The following HPCAL1 variants were observed in gnomAD, a reference collection of about 807,000 sequenced individuals.
The protein encoded by HPCAL1 is hippocalcin-like protein 1.
Under a neutral mutation model 17.1 loss-of-function variants are expected in HPCAL1, and 8 were observed. The observed-to-expected ratio is 0.47, with a 90% CI of 0.27 to 0.84. The LOEUF (loss-of-function observed/expected upper bound fraction) is 0.84, where lower values mean the gene tolerates loss of function less well. Among genes scored for constraint, HPCAL1 ranks in the 40% least tolerant of loss-of-function variants. The probability of loss-of-function intolerance (pLI) is 0.13; values close to 1 mark genes in which losing one functional copy is unlikely to be tolerated. For missense variants in HPCAL1, 165 were observed against 271.1 expected, an observed-to-expected ratio of 0.61 and a Z score of 2.75; for synonymous variants, 112 against 111.4, an observed-to-expected ratio of 1.01 and a Z score of -0.03.
chr2:10,327,149 A>G (rs1301734647), intron 1 of HPCAL1, among the ~76,000 whole-genome samples: 1 of 152,118 alleles, frequency 6.6e-6, no homozygotes, highest in Non-Finnish European at 1.5e-5. Flanking sequence ...GAGGTCTCTG[A>G]TGCTACTGGG....
At chr2:10,305,114 G>A (rs1451003674) in intron 1 of HPCAL1, among the ~76,000 whole-genome samples, 1 of 152,084 alleles carries the variant, frequency 6.6e-6, no homozygotes, top group Non-Finnish European at 1.5e-5. Flanking sequence ...AGTGACAGGG[G>A]CACACTTAGA....
intron 2 of HPCAL1, among the ~76,000 whole-genome samples, chr2:10,399,579 GCCACCGCCACC>G (rs1669455695): frequency 1.0e-5 from 1 of 98,780 alleles, no homozygotes; most frequent in African/African-American, 4.0e-5. Flanking sequence ...CACCACCACC[GCCACCGCCACC>G]GCCACCACCA....
intron 1 of HPCAL1, among the ~76,000 whole-genome samples, chr2:10,372,559 T>G (rs958073511): frequency 3.3e-5 from 5 of 152,148 alleles, no homozygotes; most frequent in Non-Finnish European, 5.9e-5. Flanking sequence ...GGGGGGCAAG[T>G]GGCGTCACCA....
chr2:10,307,767 C>A (rs1662714812), intron 1 of HPCAL1, among the ~76,000 whole-genome samples: 1 of 152,212 alleles, frequency 6.6e-6, no homozygotes, highest in Non-Finnish European at 1.5e-5. Context: ...ACTCTTCCGG[C>A]ACAGCGGAGC....
At chr2:10,387,498 A>G in intron 1 of HPCAL1, among the ~76,000 whole-genome samples, 1 of 152,246 alleles carries the variant, frequency 6.6e-6, no homozygotes, top group East Asian at 1.9e-4. Flanking sequence ...GCACAGGGAC[A>G]ACCTCACCAG....
At chr2:10,381,948 G>A (rs780096820) in intron 1 of HPCAL1, among the ~76,000 whole-genome samples, 5 of 152,174 alleles carry the variant, frequency 3.3e-5, no homozygotes, top group Non-Finnish European at 7.3e-5. Context: ...AAAAACTTAT[G>A]TCCACACAAA....
intron 1 of HPCAL1, among the ~76,000 whole-genome samples, chr2:10,312,677 T>G (rs1001632414): frequency 2.7e-5 from 4 of 149,954 alleles, no homozygotes; most frequent in Non-Finnish European, 5.9e-5. Context: ...ACCATCATCA[T>G]CATCATCATC....
chr2:10,388,719 C>T (rs1478705676), intron 1 of HPCAL1, among the ~76,000 whole-genome samples: 2 of 152,200 alleles, frequency 1.3e-5, no homozygotes, highest in South Asian at 2.1e-4. Context: ...CACTCCCTGC[C>T]GACCTCGTCT....
At chr2:10,313,088 C>G (rs562084326) in intron 1 of HPCAL1, among the ~76,000 whole-genome samples, 203 of 152,260 alleles carry the variant, frequency 1.3e-3, no homozygotes, top group Non-Finnish European at 2.2e-3. Flanking sequence ...ATAGAGAACC[C>G]AAGTGGATGA....
chr2:10,332,361 G>C (rs1664436536), intron 1 of HPCAL1, among the ~76,000 whole-genome samples: 1 of 152,156 alleles, frequency 6.6e-6, no homozygotes, highest in South Asian at 2.1e-4. Context: ...TCTGCCCACA[G>C]GTTTCCATTT....
intron 1 of HPCAL1, among the ~76,000 whole-genome samples, chr2:10,388,980 G>A (rs969511130): frequency 6.6e-6 from 1 of 152,076 alleles, no homozygotes; most frequent in African/African-American, 2.4e-5. Flanking sequence ...TGTCTACCAG[G>A]CAAGTATATA....
intron 1 of HPCAL1, among the ~76,000 whole-genome samples, chr2:10,348,836 G>A (rs1665641712): frequency 6.6e-6 from 1 of 152,120 alleles, no homozygotes. Flanking sequence ...AGATTTGTCT[G>A]GTATGATGTT....
chr2:10,329,157 A>C (rs1211321528), intron 1 of HPCAL1, among the ~76,000 whole-genome samples: 1 of 152,158 alleles, frequency 6.6e-6, no homozygotes, highest in Non-Finnish European at 1.5e-5. Context: ...CCTAGAATTT[A>C]GAGACTCATT....
rs1665322146 is a variant in HPCAL1 at position 10,344,955 on chromosome 2, CTA to C, written c.-111+41780_-111+41781del. Among the ~76,000 whole-genome samples, 1 of 151,928 alleles carries C rather than the reference CTA, an allele frequency of 6.6e-6. No homozygotes were observed. Among genetic ancestry groups the C allele is most frequent in the African/African-American group, 2.4e-5 (1 of 41,352 alleles). ...CCTTTCAGTCTCTTTCTGCCTCTCTCTATGTGTCCATCTCTCTCTCTTTTTCT... is the reference window on the plus strand; with the variant it reads ...CCTTTCAGTCTCTTTCTGCCTCTCTCTGTGTCCATCTCTCTCTCTTTTTCT... On this transcript the variant is annotated intron_variant, in intron 1 of 4. Transcript: ENST00000307845. The surrounding 1 kb of genome is among the most constrained non-coding windows in gnomAD (Gnocchi z 4.9).
chr2:10,412,001 C>T (rs186178783), intron 2 of HPCAL1, among the ~76,000 whole-genome samples: 2 of 152,218 alleles, frequency 1.3e-5, no homozygotes, highest in Admixed American at 6.5e-5. Context: ...GTTACCTGAC[C>T]GCTGAGTCGC....
intron 1 of HPCAL1, among the ~76,000 whole-genome samples, chr2:10,311,888 C>A (rs550719548): frequency 4.6e-5 from 7 of 152,008 alleles, no homozygotes; most frequent in Admixed American, 6.5e-5. Flanking sequence ...TCATTACCAT[C>A]ATCATTGCTG....
In HPCAL1 at chr2:10,396,886, T is replaced by G. The variant is rs896259466; in HGVS notation, c.-59T>G. ...ACGCGGAAACACTCCCTGGAGGTTC[T>G]GACCCACTCCCTCTCAGCCTCCGCC... On this transcript the variant is annotated 5_prime_UTR_variant, in exon 2 of 5. Coordinates refer to ENST00000307845, the MANE Select transcript of HPCAL1 (RefSeq NM_002149.4). The G allele has an allele frequency of 2.6e-5, 4 of 152,358 alleles. No homozygotes were observed. Among genetic ancestry groups the G allele is most frequent in the African/African-American group, 9.6e-5 (4 of 41,466 alleles). 9.4% of individuals were successfully genotyped at this position (152,358 alleles called of 1,614,324 possible).
rs1349662049 is a variant in HPCAL1 at position 10,377,970 on chromosome 2, C to T, written c.-110-18865C>T. 3.3e-5 allele frequency among the ~76,000 whole-genome samples: 5 copies of T among 152,072 alleles called. No homozygotes were observed. Among genetic ancestry groups the T allele is most frequent in the South Asian group, 2.1e-4 (1 of 4,826 alleles). ...GCACGGGTGAGGCGGGGAGGCGTTT[C>T]GACTTTGGACTGAAGGCCTTAATTG... On this transcript the variant is annotated intron_variant, in intron 1 of 4. Transcript: ENST00000307845. This position sits in a 1 kb window ranked among gnomAD's most constrained non-coding sequence, Gnocchi z 5.9.
At chr2:10,382,028 G>A (rs1558503189) in intron 1 of HPCAL1, among the ~76,000 whole-genome samples, 2 of 152,242 alleles carry the variant, frequency 1.3e-5, no homozygotes, top group Admixed American at 6.5e-5. Flanking sequence ...TGGAGGCAGC[G>A]AAGGTGTCCT....
Sources: allele counts gnomAD v4.1 joint callset (sites outside exome capture counted in the v4.1 genomes callset), GRCh38; gene constraint gnomAD v4.1.1; non-coding constraint Gnocchi (gnomAD v3.1); transcripts MANE v1.5; gene names NCBI Gene and HGNC (gene_info 2026-07-23, HGNC 2026-07-21).